GINS1: variants seen among roughly 807,000 people sequenced by gnomAD.
The protein encoded by GINS1 is GINS complex subunit 1.
Under a neutral mutation model 34.9 loss-of-function variants are expected in GINS1, and 26 were observed. The observed-to-expected ratio is 0.74, with a 90% CI of 0.55 to 1.03. The LOEUF (loss-of-function observed/expected upper bound fraction) is 1.03. GINS1 is among the 50% of genes least tolerant of loss of function. The pLI is 0.00. For synonymous variants in GINS1, 97 were observed against 84.4 expected (o/e 1.15, Z -0.82); for missense variants, 235 against 237.9 (o/e 0.99, Z 0.08).
At chr20:25,434,940 T>C (rs1003208621) in intron 5 of GINS1, among the ~76,000 whole-genome samples, 1 of 152,224 alleles carries the variant, frequency 6.6e-6, no homozygotes, top group African/African-American at 2.4e-5. Flanking sequence ...CATCAAGTCA[T>C]TTTATAATGG....
chr20:25,417,933 C>T (rs112533390), intron 3 of GINS1, among the ~76,000 whole-genome samples, 172 bp from the exon 4 acceptor site: 9 of 152,146 alleles, frequency 5.9e-5, no homozygotes, highest in African/African-American at 1.9e-4. Context: ...TGCTGTCACA[C>T]GTGGAGGAGT....
At position 25,446,582 on chromosome 20, in the gene GINS1, G is replaced by T. The variant is rs1437269047; in HGVS notation, c.*591G>T. 1 of 152,222 alleles carries T rather than the reference G, an allele frequency of 6.6e-6. No homozygotes were observed. Among genetic ancestry groups the T allele is most frequent in the East Asian group, 1.9e-4 (1 of 5,206 alleles). 9.4% of individuals were successfully genotyped at this position (152,222 alleles called of 1,614,324 possible). ...ATGCAAGTGAAGATGATGGTCTGTA[G>T]AAATTTTCAGTATATATAATGTTTA... On this transcript the variant is annotated 3_prime_UTR_variant, in exon 7 of 7. Transcript: ENST00000262460.
intron 5 of GINS1, among the ~76,000 whole-genome samples, chr20:25,438,044 A>G (rs904811406): frequency 6.6e-6 from 1 of 150,404 alleles, no homozygotes; most frequent in Non-Finnish European, 1.5e-5. Flanking sequence ...GCTTGAACCC[A>G]TGAGAAGGAG....
chr20:25,432,013 C>T (rs1367133993), intron 5 of GINS1, among the ~76,000 whole-genome samples: 2 of 152,066 alleles, frequency 1.3e-5, no homozygotes, highest in African/African-American at 4.8e-5. Context: ...CCTGGGACTA[C>T]AGGCATGTGC....
chr20:25,422,088 C>G (rs181297855), intron 4 of GINS1, among the ~76,000 whole-genome samples: 134 of 152,066 alleles, frequency 8.8e-4, no homozygotes, highest in African/African-American at 3.0e-3. Flanking sequence ...AACATAAAAA[C>G]AGGCACATGC....
chr20:25,424,995 C>CTT lies in GINS1; in HGVS notation c.331-215_331-214insTT, dbSNP rs554984611. 1.0e-3 allele frequency among the ~76,000 whole-genome samples: 152 copies of CTT among 152,270 alleles called. 1 individual carries two copies. Among genetic ancestry groups the CTT allele is most frequent in the African/African-American group, 3.5e-3 (147 of 41,552 alleles). ...TTAAGTATGCTGAAATGTAAGCTCT[C>CTT]TGAGAACAGAGATTTTTGTTCACTT... On this transcript the variant is annotated intron_variant, in intron 4 of 6. Coordinates refer to ENST00000262460, the MANE Select transcript of GINS1 (RefSeq NM_021067.5).
chr20:25,419,343 GA>G (rs11087515), intron 4 of GINS1, among the ~76,000 whole-genome samples: 17 of 146,384 alleles, frequency 1.2e-4, no homozygotes, highest in Middle Eastern at 3.6e-3. Flanking sequence ...AGAACTTAAA[GA>G]AAAAAAAAAA....
Position 25,418,126 on chromosome 20 carries a change from C to A in GINS1, c.261C>A (p.Ile87=). The A allele has an allele frequency of 6.2e-7, 1 of 1,600,922 alleles. No homozygotes were observed. Among genetic ancestry groups the A allele is most frequent in the Non-Finnish European group, 8.6e-7 (1 of 1,167,780 alleles). ...VAYLYDRLLR[I]RALRWEYGSV... Reference sequence around the variant, plus strand: ...CTAGGTATGACCGCTTGCTTCGGATCAGAGCACTCAGATGGGAATATGGTA... The same window carrying A: ...CTAGGTATGACCGCTTGCTTCGGATAAGAGCACTCAGATGGGAATATGGTA... The change falls in exon 4 of 7, where the codon ATC becomes ATA. Residue 87 remains isoleucine (I), a synonymous_variant. Coordinates refer to ENST00000262460, the MANE Select transcript of GINS1 (RefSeq NM_021067.5).
At position 25,417,127 on chromosome 20, in the gene GINS1, G is replaced by T. The variant is rs368823946; in HGVS notation, c.164G>T (p.Arg55Leu). The T allele has an allele frequency of 5.7e-6, 9 of 1,577,608 alleles. No individual in the cohort carries two copies. The highest frequency in any genetic ancestry group is 5.4e-5 in the African/African-American group (4 of 74,126). Residue 55 changes from arginine to leucine, a missense_variant, in exon 3 of 7, where the codon CGA becomes CTA. Physicochemically the swap from Arg to Leu is moderately radical, Grantham distance 102 (BLOSUM62 -2). Coordinates refer to ENST00000262460, the MANE Select transcript of GINS1 (RefSeq NM_021067.5). ...AGGAATGAAGCAAAGTCAGGTGGAC[G>T]AAGTGATTTGATACCAACTATCAAA... ...SDVNEAKSGG[R>L]SDLIPTIKFR...
At chr20:25,424,950 A>G (rs1372071421) in intron 4 of GINS1, among the ~76,000 whole-genome samples, 2 of 152,190 alleles carry the variant, frequency 1.3e-5, no homozygotes, top group Admixed American at 6.5e-5. Flanking sequence ...TTTCTGGTCA[A>G]AGATTCCTAA....
intron 6 of GINS1, 56 bp downstream of exon 6, chr20:25,441,832 A>G (rs2090483613): frequency 1.1e-6 from 1 of 876,862 alleles, no homozygotes; most frequent in Non-Finnish European, 1.9e-6. Context: ...GTATGGTGGA[A>G]AAGTTGGAAT....
In GINS1 at chr20:25,447,608, A is replaced by C. The variant is rs2090519673; in HGVS notation, c.*1617A>C. 1 of 152,058 alleles carries C rather than the reference A, an allele frequency of 6.6e-6. No individual in the cohort carries two copies. The highest frequency in any genetic ancestry group is 6.6e-5 in the Admixed American group (1 of 15,262). The allele number at this position is 152,058 out of a possible 1,614,324, so 9.4% of individuals were successfully genotyped here. A position where few individuals can be genotyped will look rare whatever the true frequency, so the allele number is the denominator to read the frequency against. On this transcript the variant is annotated 3_prime_UTR_variant, in exon 7 of 7. Transcript: ENST00000262460. ...TATGTAATTTTCTAATAATTCTTGA[A>C]ACAGATAGTATTAATGTGTCATATT...
In GINS1 at chr20:25,444,186, A is replaced by AT. The variant is rs564534774; in HGVS notation, c.523-1729dup. Among the ~76,000 whole-genome samples the AT allele has an allele frequency of 1.6e-3, 243 of 151,042 alleles. 2 individuals are homozygous for AT. Among genetic ancestry groups the AT allele is most frequent in the Admixed American group, 3.9e-3 (59 of 15,138 alleles). On this transcript the variant is annotated intron_variant, in intron 6 of 6. Transcript: ENST00000262460. ...GTCACCATGCCTGGCTAATTTTTGT[A>AT]TTTTTTTTAGTAGAGGCGGGGTTTC...
At chr20:25,425,400 T>C in intron 5 of GINS1, 73 bp downstream of exon 5, 1 of 698,824 alleles carries the variant, frequency 1.4e-6, no homozygotes, top group Non-Finnish European at 2.6e-6. Flanking sequence ...GAGAGGAGTA[T>C]ATGAATATGT....
chr20:25,411,940 TC>T (rs2090287857), intron 1 of GINS1, among the ~76,000 whole-genome samples: 1 of 136,422 alleles, frequency 7.3e-6, no homozygotes, highest in African/African-American at 2.7e-5. Context: ...CAAAACTCCG[TC>T]TCAAAAAAAA....
intron 5 of GINS1, among the ~76,000 whole-genome samples, chr20:25,436,718 C>G (rs1049784902): frequency 1.3e-5 from 2 of 152,132 alleles, no homozygotes; most frequent in Non-Finnish European, 2.9e-5. Flanking sequence ...ACTTTCTCCC[C>G]ATCTTCCTGT....
chr20:25,443,417 C>T (rs919579315), intron 6 of GINS1, among the ~76,000 whole-genome samples: 2 of 151,198 alleles, frequency 1.3e-5, no homozygotes, highest in African/African-American at 2.4e-5. Flanking sequence ...AAGCCATCCT[C>T]ATAAAGCAAG....
At chr20:25,428,971 T>C (rs6050608) in intron 5 of GINS1, among the ~76,000 whole-genome samples, 525 of 2,948 alleles carry the variant, frequency 0.18, 1 homozygote, top group African/African-American at 0.4. Context: ...TCCTCTCTCT[T>C]TTTTTTTTTT....
chr20:25,441,651 C>A, intron 5 of GINS1, 51 bp from the exon 6 acceptor site: 1 of 872,594 alleles, frequency 1.1e-6, no homozygotes, highest in Non-Finnish European at 1.9e-6. Context: ...TTTTTGGTCA[C>A]TGCATATTAA....
Sources: allele counts gnomAD v4.1 joint callset (sites outside exome capture counted in the v4.1 genomes callset), GRCh38; gene constraint gnomAD v4.1.1; transcripts MANE v1.5; gene names NCBI Gene and HGNC (gene_info 2026-07-23, HGNC 2026-07-21).